Variants in SUZ12 observed in about 807,000 individuals in gnomAD.
SUZ12 encodes the protein polycomb protein SUZ12.
Under a neutral mutation model 87.3 loss-of-function variants are expected in SUZ12, and 17 were observed. The ratio of observed to expected loss-of-function variants is 0.19; its 90% confidence interval spans 0.13 to 0.29. The LOEUF (loss-of-function observed/expected upper bound fraction) is 0.29. Ranked by LOEUF, SUZ12 falls within the 10% of genes least tolerant of loss-of-function variation. The pLI is 1.00. For missense variants in SUZ12, 526 were observed against 912.2 expected (o/e 0.58, Z 5.45); for synonymous variants, 253 against 312.4 (o/e 0.81, Z 2.01).
At position 31,966,385 on chromosome 17, in the gene SUZ12, G is replaced by A; in HGVS notation, c.505+189G>A. ...TTTGTTTTTGGTGGATGGGGGTGCA[G>A]AGTGAAGGCTGGAGTGCAATGTTAT... On this transcript the variant is annotated intron_variant, in intron 5 of 15. Coordinates refer to ENST00000322652, the MANE Select transcript of SUZ12 (RefSeq NM_015355.4). 3 of 571,334 alleles carry A rather than the reference G, an allele frequency of 5.3e-6. 1 individual carries two copies. In the South Asian group the frequency reaches 6.5e-5, roughly 12 times the overall value. The allele number at this position is 571,334 out of a possible 1,614,324, so 35.4% of individuals were successfully genotyped here.
chr17:31,939,213 A>G (rs1277481658), intron 1 of SUZ12, among the ~76,000 whole-genome samples: 2 of 152,184 alleles, frequency 1.3e-5, no homozygotes, highest in Non-Finnish European at 2.9e-5. Flanking sequence ...ACTTTAAATT[A>G]TAATTAGGAA....
intron 4 of SUZ12, among the ~76,000 whole-genome samples, chr17:31,951,479 GTTCTTTTTTTTTT>G (rs1405003071): frequency 6.8e-6 from 1 of 146,424 alleles, no homozygotes; most frequent in East Asian, 2.0e-4. Context: ...ATGGTGGTTA[GTTCTTTTTTTTTT>G]TTTTTTTTGA....
At chr17:31,976,789 T>C (rs1908779565) in intron 8 of SUZ12, among the ~76,000 whole-genome samples, 175 bp downstream of exon 8, 1 of 152,222 alleles carries the variant, frequency 6.6e-6, no homozygotes, top group African/African-American at 2.4e-5. Context: ...AAAACAATAA[T>C]TAAGGAACTA....
intron 10 of SUZ12, among the ~76,000 whole-genome samples, chr17:31,989,734 CAT>C (rs1296024276): frequency 1.4e-5 from 2 of 147,458 alleles, no homozygotes; most frequent in Non-Finnish European, 3.0e-5. Flanking sequence ...GAGTAGCTGG[CAT>C]TACAGGCGCC....
intron 8 of SUZ12, among the ~76,000 whole-genome samples, chr17:31,981,342 A>G (rs1176472277): frequency 6.6e-6 from 1 of 152,234 alleles, no homozygotes; most frequent in African/African-American, 2.4e-5. Context: ...TTAAACAATT[A>G]AAACGACAAA....
chr17:31,952,306 C>A (rs529951414), intron 4 of SUZ12, among the ~76,000 whole-genome samples: 1 of 152,244 alleles, frequency 6.6e-6, no homozygotes, highest in African/African-American at 2.4e-5. Context: ...GTGATCCTTT[C>A]AGATTGGCTT....
intron 6 of SUZ12, among the ~76,000 whole-genome samples, chr17:31,974,347 G>A (rs575723966): frequency 5.3e-4 from 81 of 152,312 alleles, no homozygotes; most frequent in African/African-American, 1.7e-3. Flanking sequence ...CTAACACGGT[G>A]AAATCTCGTC....
chr17:31,992,793 C>T lies in SUZ12; in HGVS notation c.1202-449C>T, dbSNP rs145253575. 7.4e-3 allele frequency among the ~76,000 whole-genome samples: 1,124 copies of T among 151,624 alleles called. 10 individuals are homozygous for T. The highest frequency in any genetic ancestry group is 0.025 in the African/African-American group (1,036 of 41,284). On this transcript the variant is annotated intron_variant, in intron 10 of 15. Coordinates refer to ENST00000322652, the MANE Select transcript of SUZ12 (RefSeq NM_015355.4). Reference sequence around the variant, plus strand: ...TGTGGTCTTGGCTCACTGCAACCTCCGCCTCCCGGGTTCAAGCAATTCTGC... The same window carrying T: ...TGTGGTCTTGGCTCACTGCAACCTCTGCCTCCCGGGTTCAAGCAATTCTGC...
rs201407775 is a variant in SUZ12, at chr17:31,995,675, T to C, written c.1707T>C (p.Asp569=). The stretch of plus-strand genomic sequence containing the variant: ...ACAATCGTCTGTATTTCCATAGTGA[T>C]ACCTGCTTACCTCTCCGTCCACAAG... ...SGHNRLYFHS[D]TCLPLRPQEM... Residue 569 remains aspartate (D), a synonymous_variant, in exon 14 of 16, where the codon GAT becomes GAC. Coordinates refer to ENST00000322652, the MANE Select transcript of SUZ12 (RefSeq NM_015355.4). 2.5e-6 allele frequency: 4 copies of C among 1,613,938 alleles called. No homozygotes were observed. Among genetic ancestry groups the C allele is most frequent in the Middle Eastern group, 3.3e-4 (2 of 6,080 alleles).
In SUZ12 at chr17:31,993,957, T is replaced by C; in HGVS notation, c.1386T>C (p.Ser462=). 6.2e-7 allele frequency: 1 copy of C among 1,613,948 alleles called. No homozygotes were observed. Among genetic ancestry groups the C allele is most frequent in the Non-Finnish European group, 8.5e-7 (1 of 1,179,968 alleles). ...CTCTGAACTGCCGCAAACTTTATAG[T>C]TTACTCAAGCATCTTAAACTCTGCC... is the stretch of plus-strand genomic sequence containing the variant. ...WCTLNCRKLY[S]LLKHLKLCHS... Residue 462 remains serine, a synonymous_variant, in exon 12 of 16, where the codon AGT becomes AGC. Transcript: ENST00000322652.
chr17:31,985,073 T>C (rs1350191082), intron 9 of SUZ12, among the ~76,000 whole-genome samples: 1 of 150,738 alleles, frequency 6.6e-6, no homozygotes, highest in Non-Finnish European at 1.5e-5. Flanking sequence ...TTAGGAGTAT[T>C]ACTTGAACCT....
At chr17:31,995,805 T>G in intron 14 of SUZ12, 43 bp downstream of exon 14, 2 of 1,468,080 alleles carry the variant, frequency 1.4e-6, no homozygotes, top group Non-Finnish European at 1.9e-6. Flanking sequence ...TGGAATATTA[T>G]TTTGTTTTGA....
chr17:31,994,664 C>A lies in SUZ12; in HGVS notation c.1538C>A (p.Ala513Asp). 1 of 1,613,980 alleles carries A rather than the reference C, an allele frequency of 6.2e-7. No homozygotes were observed. The highest frequency in any genetic ancestry group is 8.5e-7 in the Non-Finnish European group (1 of 1,180,006). Residue 513 changes from alanine (A) to aspartate (D), a missense_variant, in exon 13 of 16, where the codon GCT becomes GAT. Physicochemically the swap from Ala to Asp is moderately radical, Grantham distance 126. This residue lies in a region of SUZ12 where 143 missense variants were observed against 321.6 expected (regional missense o/e 0.44). Transcript: ENST00000322652. ...GATATTCATCGCCAACCTGGATTTG[C>A]TTTTAGTCGCAACGGACCAGTTAAG... ...PQDIHRQPGFAFSRNGPVKRT... is the reference protein window; with the variant it reads ...PQDIHRQPGFDFSRNGPVKRT...
intron 7 of SUZ12, 24 bp from the exon 8 acceptor site, chr17:31,976,497 A>G (rs1367253501): frequency 6.3e-7 from 1 of 1,586,806 alleles, no homozygotes; most frequent in African/African-American, 1.3e-5. Flanking sequence ...TATTTGATTT[A>G]TGAGAAATGT....
rs971820636 is a variant in SUZ12 at position 31,999,158 on chromosome 17, A to T, written c.*155A>T. ...ACAAGGATATTTGTATCAGGGTTCT[A>T]CTTCACTTCATTATGCAGCATTACA... On this transcript the variant is annotated 3_prime_UTR_variant, in exon 16 of 16. Transcript: ENST00000322652. 29 of 574,220 alleles carry T rather than the reference A, an allele frequency of 5.1e-5. No homozygotes were observed. Among genetic ancestry groups the T allele is most frequent in the Non-Finnish European group, 5.2e-5 (18 of 346,264 alleles). 35.6% of individuals were successfully genotyped at this position (574,220 alleles called of 1,614,324 possible).
chr17:31,982,387 C>T (rs765581273), intron 8 of SUZ12, among the ~76,000 whole-genome samples: 2 of 152,098 alleles, frequency 1.3e-5, no homozygotes, highest in Non-Finnish European at 2.9e-5. Context: ...CTGGGCTGGG[C>T]GCGGTGGTTC....
At position 31,958,855 on chromosome 17, in the gene SUZ12, A is replaced by C. The variant is rs564575119; in HGVS notation, c.456-7292A>C. Among the ~76,000 whole-genome samples the C allele has an allele frequency of 2.2e-3, 338 of 151,758 alleles. 2 individuals carry two copies. The highest frequency in any genetic ancestry group is 7.6e-3 in the African/African-American group (316 of 41,336). Reference sequence around the variant, plus strand: ...GTGAAACTCTGTCTCAAAAATAAATAAATAAATAAAACATTAGCTGGGCAT... The same window carrying C: ...GTGAAACTCTGTCTCAAAAATAAATCAATAAATAAAACATTAGCTGGGCAT... On this transcript the variant is annotated intron_variant, in intron 4 of 15. Coordinates refer to ENST00000322652, the MANE Select transcript of SUZ12 (RefSeq NM_015355.4).
intron 3 of SUZ12, among the ~76,000 whole-genome samples, chr17:31,945,426 C>G (rs1338170082): frequency 6.6e-6 from 1 of 152,142 alleles, no homozygotes; most frequent in Non-Finnish European, 1.5e-5. Context: ...ACTGCCCCAA[C>G]AAAGTAAAAA....
At chr17:31,967,080 TC>T (rs1182118925) in intron 5 of SUZ12, 5 of 151,878 alleles carry the variant, frequency 3.3e-5, no homozygotes, top group Admixed American at 1.3e-4. Flanking sequence ...GTGCCTGTAG[TC>T]CCAGTTACTT....
Sources: gnomAD v4.1 joint callset for allele counts (sites outside exome capture counted in the v4.1 genomes callset) on GRCh38, gnomAD v4.1.1 for gene constraint, gnomAD v4.1.1 regional missense constraint, MANE v1.5 for transcripts, NCBI Gene and HGNC (gene_info 2026-07-23, HGNC 2026-07-21) for gene names.